SYNPO2: variants seen among roughly 807,000 people sequenced by gnomAD.
The protein encoded by SYNPO2 is synaptopodin-2.
A neutral mutation model predicts 85.0 loss-of-function variants in SYNPO2; 56 were observed. That is an observed-to-expected ratio of 0.66 (90% confidence interval 0.53 to 0.82). The LOEUF (loss-of-function observed/expected upper bound fraction) is 0.82, where lower values mean the gene tolerates loss of function less well. SYNPO2 is among the 40% of genes least tolerant of loss of function. The probability of loss-of-function intolerance (pLI) is 0.00; values close to 1 mark genes in which losing one functional copy is unlikely to be tolerated. For missense variants in SYNPO2, 1,575 were observed against 1,534.2 expected (o/e 1.03, Z -0.44); for synonymous variants, 602 against 591.1 (o/e 1.02, Z -0.27).
At chr4:118,871,758 G>A (rs139414867) in intron 1 of SYNPO2, among the ~76,000 whole-genome samples, 2,949 of 152,044 alleles carry the variant, frequency 0.019, 87 homozygotes, top group African/African-American at 0.067. Flanking sequence ...TTTAGTAGAG[G>A]CGGGGTTTCA....
At chr4:118,972,580 C>T (rs1017911546) in intron 1 of SYNPO2, among the ~76,000 whole-genome samples, 1 of 152,114 alleles carries the variant, frequency 6.6e-6, no homozygotes, top group South Asian at 2.1e-4. Context: ...GGCAGTTTGT[C>T]TAAACTAACT....
intron 1 of SYNPO2, among the ~76,000 whole-genome samples, chr4:119,005,166 A>C (rs1736983732): frequency 6.6e-6 from 1 of 152,060 alleles, no homozygotes; most frequent in South Asian, 2.1e-4. Flanking sequence ...ATTTTCTCCC[A>C]TTGTGTAGGT....
intron 1 of SYNPO2, among the ~76,000 whole-genome samples, chr4:119,022,282 G>C (rs1737751001): frequency 6.6e-6 from 1 of 152,008 alleles, no homozygotes; most frequent in Non-Finnish European, 1.5e-5. Flanking sequence ...TTGTAATGCA[G>C]GAGGTTACTT....
In SYNPO2 at chr4:118,999,178, C is replaced by T. The variant is rs138285851; in HGVS notation, c.106-24252C>T. ...TTTTTTGTTTTTCGAGACAGGGTCTCACTCTGTCACCCCAGGCTGGAGTGC... is the reference window on the plus strand; with the variant it reads ...TTTTTTGTTTTTCGAGACAGGGTCTTACTCTGTCACCCCAGGCTGGAGTGC... On this transcript the variant is annotated intron_variant, in intron 1 of 4. Coordinates refer to ENST00000307142, the MANE Select transcript of SYNPO2 (RefSeq NM_133477.3). Among the ~76,000 whole-genome samples, 314 of 152,288 alleles carry T rather than the reference C, an allele frequency of 2.1e-3. 3 individuals carry two copies. The highest frequency in any genetic ancestry group is 0.014 in the East Asian group (75 of 5,188).
chr4:118,903,210 A>G (rs545994567), intron 1 of SYNPO2, among the ~76,000 whole-genome samples: 18 of 152,110 alleles, frequency 1.2e-4, no homozygotes, highest in Non-Finnish European at 2.4e-4. Context: ...AAGACTGTAC[A>G]TTAAGATGAT....
intron 1 of SYNPO2, among the ~76,000 whole-genome samples, chr4:118,921,861 C>T (rs1379577084): frequency 6.6e-6 from 1 of 152,006 alleles, no homozygotes; most frequent in Non-Finnish European, 1.5e-5. Flanking sequence ...GCAGTCCTCT[C>T]CCTCTTCCAC....
intron 1 of SYNPO2, among the ~76,000 whole-genome samples, chr4:118,870,801 G>A (rs568536492): frequency 2.0e-5 from 3 of 152,310 alleles, no homozygotes; most frequent in Admixed American, 1.3e-4. Flanking sequence ...TTAATACCTA[G>A]GTGGTGGGTT....
At chr4:118,986,162 C>T (rs1309600949) in intron 1 of SYNPO2, among the ~76,000 whole-genome samples, 1 of 152,184 alleles carries the variant, frequency 6.6e-6, no homozygotes, top group East Asian at 1.9e-4. Flanking sequence ...TTATAGGTTA[C>T]AATTAATATT....
intron 1 of SYNPO2, among the ~76,000 whole-genome samples, chr4:118,893,313 T>C (rs542715446): frequency 6.6e-6 from 1 of 152,332 alleles, no homozygotes; most frequent in South Asian, 2.1e-4. Context: ...TCATTATGCA[T>C]GAACTTTGCC....
At chr4:118,893,865 C>T (rs1286570374) in intron 1 of SYNPO2, among the ~76,000 whole-genome samples, 1 of 151,728 alleles carries the variant, frequency 6.6e-6, no homozygotes, top group Non-Finnish European at 1.5e-5. Flanking sequence ...TTTAAATGTT[C>T]TCGTCACAAA....
At chr4:118,970,943 C>T (rs563776499) in intron 1 of SYNPO2, among the ~76,000 whole-genome samples, 1 of 152,138 alleles carries the variant, frequency 6.6e-6, no homozygotes, top group African/African-American at 2.4e-5. Context: ...GACACAGAAT[C>T]TTTTCATTTG....
rs368549987 is a variant in SYNPO2 at position 119,026,915 on chromosome 4, G to T, written c.546G>T (p.Leu182=). 17 of 1,614,184 alleles carry T rather than the reference G, an allele frequency of 1.1e-5. No homozygotes were observed. The highest frequency in any genetic ancestry group is 1.4e-5 in the Non-Finnish European group (17 of 1,180,034). The change falls in exon 3 of 5, where the codon CTG becomes CTT. Residue 182 remains leucine, a synonymous_variant. Coordinates refer to ENST00000307142, the MANE Select transcript of SYNPO2 (RefSeq NM_133477.3). ...AAAGAGGACGCGTGGCAGAAGAGCT[G>T]ATCTTAAGGGAGAAGGTAGAAGCGG... is the stretch of plus-strand genomic sequence containing the variant. ...DSQRGRVAEE[L]ILREKVEAVQ... is the part of the protein sequence containing the mutation.
chr4:118,976,342 T>G (rs1735735049), intron 1 of SYNPO2, among the ~76,000 whole-genome samples: 1 of 151,942 alleles, frequency 6.6e-6, no homozygotes, highest in South Asian at 2.1e-4. Flanking sequence ...GTCTCAAGAG[T>G]GAAGCTGCAG....
intron 1 of SYNPO2, among the ~76,000 whole-genome samples, chr4:118,928,114 T>C (rs1733799418): frequency 6.6e-6 from 1 of 152,172 alleles, no homozygotes; most frequent in Non-Finnish European, 1.5e-5. Context: ...AGCCTAGATA[T>C]TCCTGCCTGG....
chr4:119,007,263 T>TATATATATATATATATGTATATAC (rs1737103864), intron 1 of SYNPO2, among the ~76,000 whole-genome samples: 1 of 77,784 alleles, frequency 1.3e-5, no homozygotes, highest in African/African-American at 5.7e-5. Flanking sequence ...CATATATATA[T>TATATATATATATATATGTATATAC]ATATATATAT....
At chr4:118,905,550 G>A (rs1732906553) in intron 1 of SYNPO2, among the ~76,000 whole-genome samples, 1 of 152,132 alleles carries the variant, frequency 6.6e-6, no homozygotes, top group African/African-American at 2.4e-5. Flanking sequence ...AGTATGGAAA[G>A]TTATTTCACC....
At chr4:118,919,999 C>A (rs553631614) in intron 1 of SYNPO2, among the ~76,000 whole-genome samples, 1 of 151,992 alleles carries the variant, frequency 6.6e-6, no homozygotes, top group Admixed American at 6.6e-5. Context: ...AATTATTGGA[C>A]GGATGAGAGA....
intron 1 of SYNPO2, among the ~76,000 whole-genome samples, chr4:118,857,525 G>T (rs1434742643): frequency 2.0e-5 from 3 of 152,078 alleles, no homozygotes; most frequent in Non-Finnish European, 4.4e-5. Context: ...TTCTATACTT[G>T]CCAGTAAAGA....
chr4:118,984,367 T>A (rs954395294), intron 1 of SYNPO2, among the ~76,000 whole-genome samples: 2 of 152,234 alleles, frequency 1.3e-5, no homozygotes, highest in East Asian at 3.8e-4. Flanking sequence ...ATATTATCTG[T>A]TTAATTAAAA....
Sources: gnomAD v4.1 joint callset for allele counts (sites outside exome capture counted in the v4.1 genomes callset) on GRCh38, gnomAD v4.1.1 for gene constraint, MANE v1.5 for transcripts, NCBI Gene and HGNC (gene_info 2026-07-23, HGNC 2026-07-21) for gene names.